Variants in CCNJL observed in about 807,000 individuals in gnomAD.
CCNJL encodes cyclin J like.
Under a neutral mutation model 33.4 loss-of-function variants are expected in CCNJL, and 33 were observed. The observed-to-expected ratio is 0.99, with a 90% CI of 0.75 to 1.32. The LOEUF (loss-of-function observed/expected upper bound fraction) is 1.32. Among genes scored for constraint, CCNJL ranks in the 40% most tolerant of loss-of-function variants. CCNJL has a pLI of 0.00. For synonymous variants in CCNJL, 227 were observed against 220.9 expected, an observed-to-expected ratio of 1.03 and a Z score of -0.24; for missense variants, 512 against 499.7, an observed-to-expected ratio of 1.02 and a Z score of -0.23.
At chr5:160,280,169 G>A (rs1317572902) in intron 3 of CCNJL, among the ~76,000 whole-genome samples, 1 of 152,152 alleles carries the variant, frequency 6.6e-6, no homozygotes, top group Non-Finnish European at 1.5e-5. Flanking sequence ...CACAGGTTCT[G>A]GCACCAGGCA....
At chr5:160,308,881 C>A (rs537260787) in intron 2 of CCNJL, among the ~76,000 whole-genome samples, 28 of 152,314 alleles carry the variant, frequency 1.8e-4, no homozygotes, top group African/African-American at 6.7e-4. Context: ...TTAAGGGAGA[C>A]AAGCAACCAT....
chr5:160,286,983 A>G (rs1762427669), intron 2 of CCNJL, among the ~76,000 whole-genome samples: 2 of 152,182 alleles, frequency 1.3e-5, no homozygotes. Context: ...GTATCGAATA[A>G]GAAAGAATAA....
chr5:160,324,298 C>A (rs115677193), intron 1 of CCNJL, among the ~76,000 whole-genome samples: 9,359 of 152,268 alleles, frequency 0.061, 344 homozygotes, highest in Middle Eastern at 0.1. Context: ...TCTGGCCAGG[C>A]GTGGTGGCTC....
chr5:160,336,125 TC>T (rs1763681892), intron 1 of CCNJL, among the ~76,000 whole-genome samples: 2 of 152,220 alleles, frequency 1.3e-5, no homozygotes, highest in South Asian at 4.1e-4. Flanking sequence ...ATTTATATCG[TC>T]AGTCCAGAAC....
intron 4 of CCNJL, among the ~76,000 whole-genome samples, chr5:160,257,137 T>C (rs1480906994): frequency 2.6e-5 from 4 of 151,828 alleles, no homozygotes; most frequent in Non-Finnish European, 4.4e-5. Flanking sequence ...TCCCAGGAGT[T>C]TGAGACGAGC....
intron 1 of CCNJL, among the ~76,000 whole-genome samples, chr5:160,337,003 C>CTTTTTT (rs35461944): frequency 4.9e-4 from 47 of 95,070 alleles, no homozygotes; most frequent in South Asian, 8.3e-4. Flanking sequence ...CTTTTTCTTT[C>CTTTTTT]TTTTTTTTTT....
At chr5:160,307,273 C>A (rs1025754428) in intron 2 of CCNJL, among the ~76,000 whole-genome samples, 4 of 152,186 alleles carry the variant, frequency 2.6e-5, no homozygotes, top group Non-Finnish European at 5.9e-5. Context: ...ACACCTCATA[C>A]CTGCAAGGAG....
intron 3 of CCNJL, among the ~76,000 whole-genome samples, chr5:160,266,282 T>TCCCAGGGGTGGAAGCCCAC (rs1761583179): frequency 1.3e-5 from 2 of 152,268 alleles, no homozygotes; most frequent in Non-Finnish European, 2.9e-5. Context: ...GGGAGGCCAG[T>TCCCAGGGGTGGAAGCCCAC]GTCCCAGGGG....
intron 4 of CCNJL, among the ~76,000 whole-genome samples, chr5:160,258,865 A>T (rs6870575): frequency 0.052 from 7,919 of 152,014 alleles, 648 homozygotes; most frequent in African/African-American, 0.18. Context: ...CCCGGTTAAT[A>T]TTTTGTATTT....
chr5:160,316,038 C>G (rs537173538), upstream of CCNJL, among the ~76,000 whole-genome samples: 28 of 152,258 alleles, frequency 1.8e-4, no homozygotes, highest in African/African-American at 6.5e-4. Flanking sequence ...CAGTAGGATT[C>G]TAAGCATACT....
At chr5:160,293,563 C>A (rs371952580) in intron 2 of CCNJL, among the ~76,000 whole-genome samples, 3 of 152,296 alleles carry the variant, frequency 2.0e-5, no homozygotes, top group East Asian at 1.9e-4. Flanking sequence ...GTACACATGT[C>A]GGCATGCGCA....
chr5:160,309,825 A>C (rs1763206592), intron 2 of CCNJL, among the ~76,000 whole-genome samples: 2 of 152,188 alleles, frequency 1.3e-5, no homozygotes, highest in Non-Finnish European at 2.9e-5. Context: ...GTCAAGGTTG[A>C]CCTTGGCCAT....
intron 3 of CCNJL, among the ~76,000 whole-genome samples, chr5:160,273,579 G>A (rs1159448481): frequency 6.6e-6 from 1 of 151,756 alleles, no homozygotes; most frequent in East Asian, 1.9e-4. Flanking sequence ...TATGGGTATG[G>A]GTCAATCCAT....
At chr5:160,305,860 T>C (rs1763080495) in intron 2 of CCNJL, among the ~76,000 whole-genome samples, 1 of 152,182 alleles carries the variant, frequency 6.6e-6, no homozygotes, top group South Asian at 2.1e-4. Flanking sequence ...ATCTAGAAAG[T>C]GCTCAATAAA....
rs1346602223 is a variant in CCNJL at position 160,251,822 on chromosome 5, AC to A, written c.*1555del. 1 of 152,168 alleles carries A rather than the reference AC, an allele frequency of 6.6e-6. No individual in the cohort carries two copies. Among genetic ancestry groups the A allele is most frequent in the Non-Finnish European group, 1.5e-5 (1 of 68,034 alleles). 9.4% of individuals were successfully genotyped at this position (152,168 alleles called of 1,614,324 possible). On this transcript the variant is annotated 3_prime_UTR_variant, in exon 6 of 6. Coordinates refer to ENST00000257536, the MANE Select transcript of CCNJL (RefSeq NM_001308173.3). ...ACGGAGGTTGGCAAAGGAAAAAAAA[AC>A]AACAACAAATGAACGTGCAGCCTCC...
At chr5:160,272,868 G>C (rs1761886370) in intron 3 of CCNJL, among the ~76,000 whole-genome samples, 1 of 152,114 alleles carries the variant, frequency 6.6e-6, no homozygotes, top group Non-Finnish European at 1.5e-5. Context: ...ATGTAAGTTT[G>C]CAAAGATACA....
chr5:160,275,590 T>A (rs913225107), intron 3 of CCNJL, among the ~76,000 whole-genome samples: 1 of 152,042 alleles, frequency 6.6e-6, no homozygotes, highest in Admixed American at 6.6e-5. Flanking sequence ...GCTCAAGAGT[T>A]CCTCCCACCT....
chr5:160,281,701 A>G (rs1762221451), intron 2 of CCNJL, among the ~76,000 whole-genome samples: 20 of 152,178 alleles, frequency 1.3e-4, no homozygotes, highest in Admixed American at 1.3e-3. Flanking sequence ...CCCAGGCTGG[A>G]GAGCAGTGGT....
intron 4 of CCNJL, 150 bp downstream of exon 4, chr5:160,259,319 T>C: frequency 1.5e-6 from 1 of 654,296 alleles, no homozygotes; most frequent in Non-Finnish European, 2.6e-6. Context: ...TTTCTTTGCT[T>C]ACTGCCTGCA....
Sources: gnomAD v4.1 joint callset for allele counts (sites outside exome capture counted in the v4.1 genomes callset) on GRCh38, gnomAD v4.1.1 for gene constraint, MANE v1.5 for transcripts, NCBI Gene and HGNC (gene_info 2026-07-23, HGNC 2026-07-21) for gene names.